The following GET1 variants were observed in gnomAD, a reference collection of about 807,000 sequenced individuals.
GET1 encodes guided entry of tail-anchored proteins factor 1.
Under a neutral mutation model 22.6 loss-of-function variants are expected in GET1, and 20 were observed. That is an observed-to-expected ratio of 0.89 (90% confidence interval 0.62 to 1.29). The LOEUF is 1.29. Among genes scored for constraint, GET1 ranks in the 50% most tolerant of loss-of-function variants. GET1 has a pLI of 0.00. For missense variants in GET1, 209 were observed against 219.9 expected (o/e 0.95, Z 0.31); for synonymous variants, 92 against 83.8 (o/e 1.10, Z -0.53).
intron 1 of GET1, among the ~76,000 whole-genome samples, chr21:39,417,982 T>G (rs530416720): frequency 3.2e-4 from 48 of 152,244 alleles, no homozygotes; most frequent in South Asian, 2.7e-3. Flanking sequence ...TTGCCAGGAT[T>G]GTCTCCATCT....
intron 4 of GET1, among the ~76,000 whole-genome samples, chr21:39,403,652 CA>C (rs2038901772): frequency 1.3e-5 from 2 of 151,036 alleles, no homozygotes; most frequent in South Asian, 4.2e-4. Context: ...GATGGAGTCT[CA>C]CTCTGTCGCC....
chr21:39,416,569 T>C (rs1228919429), intron 1 of GET1, among the ~76,000 whole-genome samples: 1 of 152,178 alleles, frequency 6.6e-6, no homozygotes, highest in Non-Finnish European at 1.5e-5. Context: ...GAGGTGTTCA[T>C]TGCTCCTGGT....
Position 39,380,389 on chromosome 21 carries a change from G to C in GET1, c.5G>C (p.Ser2Thr), listed in dbSNP as rs752877318. M[S>T]SAAADHWAWL... is the part of the protein sequence containing the mutation. ...GCACAGCCAGGAGCGTCCGGGATGA[G>C]CTCAGCCGCGGCCGACCACTGGGCG... The change falls in exon 1 of 5, where the codon AGC becomes ACC. Residue 2 changes from serine (S) to threonine (T), a missense_variant. By Grantham distance (58) the Ser-to-Thr change is moderately conservative. Coordinates refer to ENST00000649170, the MANE Select transcript of GET1 (RefSeq NM_004627.6). 7 of 1,605,440 alleles carry C rather than the reference G, an allele frequency of 4.4e-6. No individual in the cohort carries two copies. In the East Asian group the frequency reaches 1.6e-4, roughly 36 times the overall value.
intron 4 of GET1, among the ~76,000 whole-genome samples, chr21:39,404,481 C>T (rs560059087): frequency 7.9e-5 from 12 of 152,284 alleles, no homozygotes; most frequent in South Asian, 2.1e-4. Flanking sequence ...CGGTGGCTCA[C>T]GCCTGTCATT....
At chr21:39,411,786 A>G (rs776483214) in intron 1 of GET1, 10 of 1,587,524 alleles carry the variant, frequency 6.3e-6, no homozygotes, top group Non-Finnish European at 7.7e-6. Context: ...TTTAATTTCA[A>G]GCTCACGATC....
chr21:39,388,257 G>C (rs972132176), intron 1 of GET1, among the ~76,000 whole-genome samples: 4 of 152,122 alleles, frequency 2.6e-5, no homozygotes, highest in Non-Finnish European at 5.9e-5. Flanking sequence ...AGTCCCAGAT[G>C]CTCAGGAGGC....
chr21:39,409,982 C>T, downstream of GET1: 4 of 1,479,942 alleles, frequency 2.7e-6, no homozygotes, highest in Non-Finnish European at 3.8e-6. The surrounding 1 kb of genome is among the most constrained non-coding windows in gnomAD (Gnocchi z 4.2). Flanking sequence ...AAATTACCTT[C>T]ATATTTTCTC....
intron 1 of GET1, among the ~76,000 whole-genome samples, chr21:39,388,369 A>G (rs1435692005): frequency 6.6e-6 from 1 of 152,170 alleles, no homozygotes; most frequent in Non-Finnish European, 1.5e-5. Context: ...CTCAGACCCC[A>G]TGCAGGTTCC....
At chr21:39,414,700 G>C (rs1395264149) in intron 1 of GET1, among the ~76,000 whole-genome samples, 1 of 147,048 alleles carries the variant, frequency 6.8e-6, no homozygotes, top group Non-Finnish European at 1.5e-5. Context: ...TACTGCATCT[G>C]TCTGGTTCTC....
At chr21:39,394,089 G>A (rs1372829344) in intron 4 of GET1, among the ~76,000 whole-genome samples, 2 of 152,054 alleles carry the variant, frequency 1.3e-5, no homozygotes, top group African/African-American at 4.8e-5. Context: ...TAGCACTTTG[G>A]GAGGCCAAGG....
At chr21:39,406,825 G>A, downstream of GET1, 1 of 457,204 alleles carries the variant, frequency 2.2e-6, no homozygotes, top group South Asian at 4.7e-5. Context: ...CCAAGCAGAT[G>A]GGAATTATGA....
At chr21:39,388,259 T>A (rs2038057391) in intron 1 of GET1, among the ~76,000 whole-genome samples, 1 of 152,106 alleles carries the variant, frequency 6.6e-6, no homozygotes, top group Admixed American at 6.5e-5. Context: ...TCCCAGATGC[T>A]CAGGAGGCTC....
At chr21:39,410,778 G>A (rs2039956615), downstream of GET1, 1 of 467,542 alleles carries the variant, frequency 2.1e-6, no homozygotes, top group Non-Finnish European at 4.4e-6. Flanking sequence ...GCACTTTCCT[G>A]AAAAGTGAAG....
At chr21:39,422,384 G>A (rs1285295340) in intron 1 of GET1, 1 of 152,334 alleles carries the variant, frequency 6.6e-6, no homozygotes, top group Non-Finnish European at 1.5e-5. Context: ...TGACAACCAA[G>A]TGCTGTTGAG....
At chr21:39,385,483 T>A (rs991988513) in intron 1 of GET1, among the ~76,000 whole-genome samples, 1 of 152,142 alleles carries the variant, frequency 6.6e-6, no homozygotes, top group Non-Finnish European at 1.5e-5. Flanking sequence ...CTGGGATCGC[T>A]CCCTTCTCTT....
intron 1 of GET1, chr21:39,413,719 G>C (rs973694437): frequency 3.3e-5 from 5 of 152,264 alleles, no homozygotes; most frequent in African/African-American, 1.2e-4. Flanking sequence ...GGTGTATTCT[G>C]GATAATAGCT....
chr21:39,410,171 C>T, downstream of GET1: 1 of 1,256,860 alleles, frequency 8.0e-7, no homozygotes, highest in Non-Finnish European at 1.2e-6. Context: ...ATTCTAATGA[C>T]TACAAATACT....
intron 1 of GET1, chr21:39,380,749 C>T: frequency 8.4e-7 from 1 of 1,194,164 alleles, no homozygotes; most frequent in South Asian, 2.7e-5. Flanking sequence ...GGCGGCGAAC[C>T]TCACACTGGG....
downstream of GET1, among the ~76,000 whole-genome samples, chr21:39,400,820 A>T (rs560309968): frequency 3.3e-5 from 5 of 152,166 alleles, no homozygotes; most frequent in East Asian, 9.7e-4. Context: ...TAGCATGAAT[A>T]TTGTGTAGTT....
Sources: gnomAD v4.1 joint callset for allele counts (sites outside exome capture counted in the v4.1 genomes callset) on GRCh38, gnomAD v4.1.1 for gene constraint, Gnocchi (gnomAD v3.1) non-coding constraint, MANE v1.5 for transcripts, NCBI Gene and HGNC (gene_info 2026-07-23, HGNC 2026-07-21) for gene names.